HSD3B1: variants seen among roughly 807,000 people sequenced by gnomAD.
HSD3B1 encodes the protein 3 beta-hydroxysteroid dehydrogenase/Delta 5-->4-isomerase type 1.
A neutral mutation model predicts 10.4 loss-of-function variants in HSD3B1; 11 were observed. The ratio of observed to expected loss-of-function variants is 1.05; its 90% CI spans 0.66 to 1.75. The LOEUF (loss-of-function observed/expected upper bound fraction) is 1.75, where lower values mean the gene tolerates loss of function less well. HSD3B1 is among the 40% of genes most tolerant of loss of function. The pLI is 0.00. For synonymous variants in HSD3B1, 217 were observed against 185.4 expected (o/e 1.17, Z -1.39); for missense variants, 490 against 454.5 (o/e 1.08, Z -0.71).
In HSD3B1 at chr1:119,511,553, G is replaced by A. The variant is rs587718863; in HGVS notation, c.196G>A (p.Glu66Lys). The change falls in exon 3 of 4, where the codon GAG becomes AAG. Residue 66 changes from glutamate to lysine, a missense_variant. Coordinates refer to ENST00000369413, the MANE Select transcript of HSD3B1 (RefSeq NM_000862.3). ...AGTGCTGGAAGGAGACATTCTGGAT[G>A]AGCCATTCCTGAAGAGAGCCTGCCA... ...LTVLEGDILD[E>K]PFLKRACQDV... is the part of the protein sequence containing the mutation. 596 of 1,613,782 alleles carry A rather than the reference G, an allele frequency of 3.7e-4. 6 individuals carry two copies. The South Asian group carries it at 6.2e-3, about 17-fold the overall frequency.
intron 2 of HSD3B1, 173 bp downstream of exon 2, chr1:119,507,794 A>T: frequency 1.6e-6 from 1 of 643,094 alleles, no homozygotes; most frequent in Non-Finnish European, 2.6e-6. Flanking sequence ...CATAGTATGA[A>T]AGATACTGGG....
At position 119,507,618 on chromosome 1, in the gene HSD3B1, T is replaced by C. The variant is rs1338888709; in HGVS notation, c.142T>C (p.Ser48Pro). 3 of 1,613,894 alleles carry C rather than the reference T, an allele frequency of 1.9e-6. No individual in the cohort carries two copies. The South Asian group carries it at 3.3e-5, about 18-fold the overall frequency. Residue 48 changes from serine to proline, a missense_variant, in exon 2 of 4, where the codon TCT becomes CCT. Coordinates refer to ENST00000369413, the MANE Select transcript of HSD3B1 (RefSeq NM_000862.3). ...CGGACCAGAATTGAGAGAGGAATTT[T>C]CTAGTAAGTAAACTTGGGTCATGGG... ...AFGPELREEF[S>P]KLQNKTKLTV...
intron 2 of HSD3B1, 132 bp downstream of exon 2, chr1:119,507,753 C>A: frequency 1.1e-6 from 1 of 889,092 alleles, no homozygotes; most frequent in South Asian, 1.5e-5. Flanking sequence ...CCAAAGTCAT[C>A]AAGAAATAAA....
At position 119,514,809 on chromosome 1, in the gene HSD3B1, C is replaced by T. The variant is rs963616014; in HGVS notation, c.*164C>T. The T allele has an allele frequency of 1.7e-5, 13 of 753,014 alleles. No homozygotes were observed. Among genetic ancestry groups the T allele is most frequent in the Admixed American group, 4.5e-5 (2 of 44,488 alleles). 46.6% of individuals were successfully genotyped at this position (753,014 alleles called of 1,614,324 possible). A position where few individuals can be genotyped will look rare whatever the true frequency, so the allele number is the denominator to read the frequency against. ...GTATTCCTCATGTCATCAAAACCTG[C>T]GCAGTCATTGGCCCAACAAGAAGGT... is the stretch of plus-strand genomic sequence containing the variant. On this transcript the variant is annotated 3_prime_UTR_variant, in exon 4 of 4. Coordinates refer to ENST00000369413, the MANE Select transcript of HSD3B1 (RefSeq NM_000862.3).
At chr1:119,507,742 T>C (rs587755078) in intron 2 of HSD3B1, 121 bp downstream of exon 2, 2 of 949,104 alleles carry the variant, frequency 2.1e-6, no homozygotes, top group East Asian at 4.8e-5. Context: ...CAATCTCACA[T>C]CCAAAGTCAT....
chr1:119,513,717 T>C (rs1570881288), intron 3 of HSD3B1, 117 bp from the exon 4 acceptor site: 3 of 953,140 alleles, frequency 3.1e-6, no homozygotes, highest in East Asian at 4.8e-5. Flanking sequence ...GAATGTACCC[T>C]GAGTCTGTTA....
At chr1:119,511,009 G>A (rs12405653) in intron 2 of HSD3B1, among the ~76,000 whole-genome samples, 1 of 151,942 alleles carries the variant, frequency 6.6e-6, no homozygotes, top group Non-Finnish European at 1.5e-5. Context: ...GCCTCCCAAA[G>A]TGCTGGAATA....
chr1:119,507,363 G>A (rs1653813355), intron 1 of HSD3B1, 29 bp from the exon 2 acceptor site: 14 of 1,060,024 alleles, frequency 1.3e-5, no homozygotes, highest in East Asian at 2.5e-5. Context: ...ATCTGTGTGA[G>A]TATATAACCA....
Position 119,513,206 on chromosome 1 carries a change from T to A in HSD3B1, c.311-628T>A, listed in dbSNP as rs587738855. ...AGCAGCTTTCCCAGGGAATGCACAA[T>A]CAGGAAGAGTGTGGGTTTCCAGCAT... On this transcript the variant is annotated intron_variant, in intron 3 of 3. Transcript: ENST00000369413. Among the ~76,000 whole-genome samples, 17 of 152,290 alleles carry A rather than the reference T, an allele frequency of 1.1e-4. No individual in the cohort carries two copies. The East Asian group carries it at 3.1e-3, about 28-fold the overall frequency.
chr1:119,508,183 T>TCGGGGAGAGAGAGG (rs1653843162), intron 2 of HSD3B1, among the ~76,000 whole-genome samples: 1 of 146,046 alleles, frequency 6.8e-6, no homozygotes, highest in African/African-American at 2.6e-5. Flanking sequence ...GGAGAGAGAG[T>TCGGGGAGAGAGAGG]CGGGGAGAGA....
In HSD3B1 at chr1:119,507,986, C is replaced by G. The variant is rs140461525; in HGVS notation, c.145+365C>G. 1.2e-4 allele frequency: 30 copies of G among 243,354 alleles called. No individual in the cohort carries two copies. The East Asian group carries it at 2.2e-3, about 18-fold the overall frequency. 15.1% of individuals were successfully genotyped at this position (243,354 alleles called of 1,614,324 possible). On this transcript the variant is annotated intron_variant, in intron 2 of 3. Transcript: ENST00000369413. ...TGCTGTACAACATTCATAAAGGACA[C>G]TATTACCCTGGAGACCTCACCAATG...
chr1:119,508,065 A>C (rs1653839095), intron 2 of HSD3B1: 1 of 167,936 alleles, frequency 6.0e-6, no homozygotes, highest in Admixed American at 5.7e-5. Context: ...CAGCTTCCTT[A>C]GTATCCTTTG....
rs752981553 is a variant in HSD3B1 at position 119,513,910 on chromosome 1, C to G, written c.387C>G (p.Ala129=). Residue 129 remains alanine, a synonymous_variant, in exon 4 of 4, where the codon GCC becomes GCG. Coordinates refer to ENST00000369413, the MANE Select transcript of HSD3B1 (RefSeq NM_000862.3). ...TCTACACCAGTAGCATAGAGGTAGC[C>G]GGGCCCAACTCCTACAAGGAAATCA... ...VFIYTSSIEV[A]GPNSYKEIIQ... is the part of the protein sequence containing the mutation. The G allele has an allele frequency of 9.1e-5, 147 of 1,613,864 alleles. No individual in the cohort carries two copies. The highest frequency in any genetic ancestry group is 1.2e-4 in the Non-Finnish European group (143 of 1,179,988).
chr1:119,513,941 A>G lies in HSD3B1; in HGVS notation c.418A>G (p.Asn140Asp), dbSNP rs780752681. The part of the protein sequence containing the change: ...GPNSYKEIIQ[N>D]GHEEEPLENT... ...CAACTCCTACAAGGAAATCATCCAG[A>G]ATGGCCATGAAGAAGAGCCTCTGGA... Residue 140 changes from asparagine (N) to aspartate (D), a missense_variant, in exon 4 of 4, where the codon AAT becomes GAT. Coordinates refer to ENST00000369413, the MANE Select transcript of HSD3B1 (RefSeq NM_000862.3). 2 of 1,614,030 alleles carry G rather than the reference A, an allele frequency of 1.2e-6. No homozygotes were observed. The highest frequency in any genetic ancestry group is 3.3e-5 in the Admixed American group (2 of 59,998).
intron 2 of HSD3B1, among the ~76,000 whole-genome samples, chr1:119,510,712 G>GCTTTCTTTT (rs1653907366): frequency 7.7e-5 from 3 of 39,060 alleles, no homozygotes. Context: ...TGCTTGTGTG[G>GCTTTCTTTT]TTTTCTTTTT....
At position 119,514,022 on chromosome 1, in the gene HSD3B1, C is replaced by G; in HGVS notation, c.499C>G (p.Leu167Val). 2.5e-6 allele frequency: 4 copies of G among 1,614,136 alleles called. No individual in the cohort carries two copies. The highest frequency in any genetic ancestry group is 2.5e-6 in the Non-Finnish European group (3 of 1,180,006). Reference protein sequence around the residue: ...HSKKLAEKAVLAANGWNLKNG... With the variant: ...HSKKLAEKAVVAANGWNLKNG... ...CAAAAAGCTTGCTGAGAAGGCTGTA[C>G]TGGCGGCTAACGGGTGGAATCTGAA... The change falls in exon 4 of 4, where the codon CTG becomes GTG. Residue 167 changes from leucine to valine, a missense_variant. By Grantham distance (32) the Leu-to-Val change is conservative. Coordinates refer to ENST00000369413, the MANE Select transcript of HSD3B1 (RefSeq NM_000862.3).
intron 2 of HSD3B1, chr1:119,507,844 C>G (rs1164921690): frequency 1.1e-5 from 5 of 458,662 alleles, no homozygotes; most frequent in Non-Finnish European, 2.0e-5. Context: ...TGACCCAGAA[C>G]TTGAGAAGCA....
intron 3 of HSD3B1, among the ~76,000 whole-genome samples, chr1:119,512,132 C>T (rs760108917): frequency 1.3e-5 from 2 of 152,168 alleles, no homozygotes; most frequent in Non-Finnish European, 2.9e-5. Context: ...ATTCAGAGCC[C>T]TCCTGCCCAC....
Position 119,507,609 on chromosome 1 carries a change from G to A in HSD3B1, c.133G>A (p.Glu45Lys), listed in dbSNP as rs1653825363. 3 of 1,613,982 alleles carry A rather than the reference G, an allele frequency of 1.9e-6. No individual in the cohort carries two copies. The highest frequency in any genetic ancestry group is 2.7e-5 in the African/African-American group (2 of 75,026). The change falls in exon 2 of 4, where the codon GAG (glutamate) becomes AAG (lysine). Residue 45 changes from glutamate (E) to lysine (K), a missense_variant. Coordinates refer to ENST00000369413, the MANE Select transcript of HSD3B1 (RefSeq NM_000862.3). Reference sequence around the variant, plus strand: ...CAAGGCCTTCGGACCAGAATTGAGAGAGGAATTTTCTAGTAAGTAAACTTG... The same window carrying A: ...CAAGGCCTTCGGACCAGAATTGAGAAAGGAATTTTCTAGTAAGTAAACTTG... ...LDKAFGPELR[E>K]EFSKLQNKTK...
Sources: gnomAD v4.1 joint callset for allele counts (sites outside exome capture counted in the v4.1 genomes callset) on GRCh38, gnomAD v4.1.1 for gene constraint, MANE v1.5 for transcripts, NCBI Gene and HGNC (gene_info 2026-07-23, HGNC 2026-07-21) for gene names.